CAMTA1: variants seen among roughly 807,000 people sequenced by gnomAD.
The protein encoded by CAMTA1 is calmodulin-binding transcription activator 1.
In CAMTA1, 27 loss-of-function variants were observed where a neutral mutation model predicts 170.9. That is an observed-to-expected ratio of 0.16 (90% CI 0.12 to 0.22). The LOEUF (loss-of-function observed/expected upper bound fraction) is 0.22. Among genes scored for constraint, CAMTA1 ranks in the 10% least tolerant of loss-of-function variants. The pLI is 1.00. For missense variants in CAMTA1, 1,619 were observed against 2,217.2 expected, an observed-to-expected ratio of 0.73 and a Z score of 5.42; for synonymous variants, 833 against 891.5, an observed-to-expected ratio of 0.93 and a Z score of 1.17.
chr1:7,075,433 C>T (rs1235776653), intron 3 of CAMTA1, among the ~76,000 whole-genome samples: 1 of 152,160 alleles, frequency 6.6e-6, no homozygotes, highest in African/African-American at 2.4e-5. Flanking sequence ...TACCAATTTC[C>T]ACTTTAAATT....
intron 4 of CAMTA1, among the ~76,000 whole-genome samples, chr1:7,104,079 G>A (rs1643262045): frequency 7.3e-6 from 1 of 137,252 alleles, no homozygotes; most frequent in Non-Finnish European, 1.5e-5. Context: ...CTACACAGAT[G>A]TACACACAAC....
At chr1:7,419,713 G>A (rs845255) in intron 5 of CAMTA1, among the ~76,000 whole-genome samples, 139,233 of 152,162 alleles carry the variant, frequency 0.92, 63,783 homozygotes, top group East Asian at 0.99. Context: ...GCCACATGGA[G>A]CCCACACCCC....
At chr1:7,655,205 CACAA>C (rs2095883342) in intron 7 of CAMTA1, among the ~76,000 whole-genome samples, 1 of 135,138 alleles carries the variant, frequency 7.4e-6, no homozygotes, top group African/African-American at 2.8e-5. Context: ...CCCCTATACA[CACAA>C]ACACACCCAT....
intron 5 of CAMTA1, among the ~76,000 whole-genome samples, chr1:7,290,581 C>A (rs1033683473): frequency 2.6e-5 from 4 of 152,176 alleles, no homozygotes; most frequent in Admixed American, 1.3e-4. Context: ...CCACCCCCCC[C>A]ATGCACGTAT....
chr1:6,876,703 A>G (rs1176858286), intron 3 of CAMTA1, among the ~76,000 whole-genome samples: 1 of 152,184 alleles, frequency 6.6e-6, no homozygotes, highest in Non-Finnish European at 1.5e-5. Flanking sequence ...CTGTCTTTCA[A>G]AGAAGTAGGT....
At chr1:7,143,335 CA>C (rs1317614318) in intron 4 of CAMTA1, among the ~76,000 whole-genome samples, 1 of 152,206 alleles carries the variant, frequency 6.6e-6, no homozygotes, top group Non-Finnish European at 1.5e-5. Flanking sequence ...ATCTTATCCT[CA>C]AGTATTAGTC....
At chr1:7,028,754 G>C (rs893385408) in intron 3 of CAMTA1, among the ~76,000 whole-genome samples, 4 of 152,158 alleles carry the variant, frequency 2.6e-5, no homozygotes, top group Non-Finnish European at 5.9e-5. Context: ...TCCTTTGCAC[G>C]TGCTCAGTAA....
At chr1:7,465,373 G>C (rs1449941879) in intron 5 of CAMTA1, among the ~76,000 whole-genome samples, 1 of 152,152 alleles carries the variant, frequency 6.6e-6, no homozygotes, top group Non-Finnish European at 1.5e-5. Context: ...TCTTTGTGTA[G>C]CTTTTTTCTT....
chr1:6,888,422 C>T (rs1047557655), intron 3 of CAMTA1, among the ~76,000 whole-genome samples: 9 of 152,080 alleles, frequency 5.9e-5, no homozygotes, highest in Admixed American at 2.6e-4. Context: ...GTGATGGTAT[C>T]GGTGCCTCCT....
intron 6 of CAMTA1, among the ~76,000 whole-genome samples, chr1:7,608,919 C>G (rs887463789): frequency 1.3e-5 from 2 of 152,092 alleles, no homozygotes; most frequent in African/African-American, 4.8e-5. Flanking sequence ...TGGATGGGAG[C>G]TTGAGCCCTA....
chr1:6,896,213 A>G (rs1233524768), intron 3 of CAMTA1, among the ~76,000 whole-genome samples: 1 of 152,178 alleles, frequency 6.6e-6, no homozygotes, highest in Non-Finnish European at 1.5e-5. Context: ...GCTTGTACTT[A>G]AACAGAATCA....
chr1:7,187,314 A>C (rs765884654), intron 4 of CAMTA1, among the ~76,000 whole-genome samples: 1 of 152,174 alleles, frequency 6.6e-6, no homozygotes, highest in Non-Finnish European at 1.5e-5. Flanking sequence ...CTGCATACTC[A>C]CTGGGAAGGA....
At chr1:6,895,978 G>T (rs1024465240) in intron 3 of CAMTA1, among the ~76,000 whole-genome samples, 1 of 151,902 alleles carries the variant, frequency 6.6e-6, no homozygotes, top group Admixed American at 6.6e-5. Context: ...GTTCTGAGTA[G>T]TTAGATGTAC....
intron 5 of CAMTA1, among the ~76,000 whole-genome samples, chr1:7,428,137 G>A (rs910684458): frequency 2.6e-4 from 40 of 152,148 alleles, no homozygotes; most frequent in Non-Finnish European, 5.9e-5. Context: ...GAGGGTGGGG[G>A]CAGGAAGTCC....
intron 4 of CAMTA1, among the ~76,000 whole-genome samples, chr1:7,207,143 T>C (rs1161600741): frequency 6.6e-6 from 1 of 152,246 alleles, no homozygotes; most frequent in East Asian, 1.9e-4. Flanking sequence ...GTTGTATAAT[T>C]ATCAACAATC....
chr1:7,496,913 C>A (rs1283738596), intron 6 of CAMTA1, among the ~76,000 whole-genome samples: 1 of 147,282 alleles, frequency 6.8e-6, no homozygotes, highest in Non-Finnish European at 1.5e-5. Flanking sequence ...CCAAGAGCCT[C>A]CATCCTGAGC....
rs1270781812 is a variant in CAMTA1 at position 7,681,316 on chromosome 1, T to C, written c.2914+3583T>C. Among the ~76,000 whole-genome samples, 1 of 152,040 alleles carries C rather than the reference T, an allele frequency of 6.6e-6. No individual in the cohort carries two copies. Among genetic ancestry groups the C allele is most frequent in the Non-Finnish European group, 1.5e-5 (1 of 67,988 alleles). On this transcript the variant is annotated intron_variant, in intron 11 of 22. Transcript: ENST00000303635. This position sits in a 1 kb window ranked among gnomAD's most constrained non-coding sequence, Gnocchi z 4.6. ...CTGTCAAAAAGCTGAATCCAACTAG[T>C]GGTAAGGAAGGTTTCACAGAGGAAA...
chr1:7,459,592 G>A (rs1269911132), intron 5 of CAMTA1, among the ~76,000 whole-genome samples: 1 of 152,174 alleles, frequency 6.6e-6, no homozygotes, highest in Non-Finnish European at 1.5e-5. Context: ...CCCTGCCCTT[G>A]GACATCAGCG....
chr1:7,226,462 CT>C (rs912895072), intron 4 of CAMTA1, among the ~76,000 whole-genome samples: 3 of 152,148 alleles, frequency 2.0e-5, no homozygotes, highest in African/African-American at 7.2e-5. Context: ...TAACATCTTT[CT>C]CTCTGATAAA....
Sources: gnomAD v4.1 joint callset for allele counts (sites outside exome capture counted in the v4.1 genomes callset) on GRCh38, gnomAD v4.1.1 for gene constraint, Gnocchi (gnomAD v3.1) non-coding constraint, MANE v1.5 for transcripts, NCBI Gene and HGNC (gene_info 2026-07-23, HGNC 2026-07-21) for gene names.